Variants in IL1R1 observed in about 807,000 individuals in gnomAD.
The protein encoded by IL1R1 is interleukin-1 receptor type 1.
A neutral mutation model predicts 50.2 loss-of-function variants in IL1R1; 22 were observed. The ratio of observed to expected loss-of-function variants is 0.44; its 90% CI spans 0.31 to 0.63. The LOEUF (loss-of-function observed/expected upper bound fraction) is 0.63. IL1R1 is among the 20% of genes least tolerant of loss of function. IL1R1 has a pLI of 0.07. For synonymous variants in IL1R1, 251 were observed against 236.7 expected (o/e 1.06, Z -0.55); for missense variants, 509 against 676.2 (o/e 0.75, Z 2.74).
chr2:102,090,151 T>A (rs1242301367), intron 1 of IL1R1, among the ~76,000 whole-genome samples: 3 of 123,834 alleles, frequency 2.4e-5, no homozygotes, highest in East Asian at 2.1e-4. Flanking sequence ...TTTTTTTCAA[T>A]TTTTTTTTTT....
intron 3 of IL1R1, among the ~76,000 whole-genome samples, chr2:102,162,487 T>G (rs1324654974): frequency 6.6e-6 from 1 of 152,180 alleles, no homozygotes; most frequent in Non-Finnish European, 1.5e-5. Flanking sequence ...TTTTCTCTTT[T>G]TTTGCTGCCT....
chr2:102,161,407 CTGT>C (rs550771015), intron 3 of IL1R1, among the ~76,000 whole-genome samples: 295 of 152,282 alleles, frequency 1.9e-3, no homozygotes, highest in African/African-American at 6.4e-3. Context: ...TAATGTTCTA[CTGT>C]TGTTGGTTGG....
upstream of IL1R1, among the ~76,000 whole-genome samples, chr2:102,139,353 C>G (rs1222835448): frequency 6.6e-6 from 1 of 152,216 alleles, no homozygotes; most frequent in Admixed American, 6.5e-5. Flanking sequence ...TATCTGCTGC[C>G]AGGCCTGCTG....
intron 1 of IL1R1, among the ~76,000 whole-genome samples, chr2:102,111,309 T>C (rs1038945352): frequency 4.6e-5 from 7 of 152,194 alleles, no homozygotes; most frequent in African/African-American, 1.7e-4. Flanking sequence ...GTGTTGTATT[T>C]GCCACAAGAG....
chr2:102,139,516 G>A (rs1010706178), upstream of IL1R1, among the ~76,000 whole-genome samples: 3 of 152,214 alleles, frequency 2.0e-5, no homozygotes, highest in Non-Finnish European at 4.4e-5. Flanking sequence ...TTGGATATTT[G>A]TCCCTGCCCA....
At chr2:102,101,167 T>C (rs1307405510), upstream of IL1R1, among the ~76,000 whole-genome samples, 1 of 152,224 alleles carries the variant, frequency 6.6e-6, no homozygotes, top group Non-Finnish European at 1.5e-5. Flanking sequence ...CCTAATGTTC[T>C]GCATTTCCAT....
In IL1R1 at chr2:102,079,645, C is replaced by G. The variant is rs1679122420; in HGVS notation, c.-84+9112C>G. Among the ~76,000 whole-genome samples, 3 of 152,162 alleles carry G rather than the reference C, an allele frequency of 2.0e-5. No individual in the cohort carries two copies. In the South Asian group the frequency reaches 6.2e-4, roughly 32 times the overall value. On this transcript the variant is annotated intron_variant, in intron 1 of 11. Transcript: ENST00000409929. ...CATGTTCATGAATCAGAAGACTTAA[C>G]TTTTTTAAAGATGGCAGTACTCCCC...
intron 3 of IL1R1, among the ~76,000 whole-genome samples, chr2:102,160,079 T>C (rs1684580378): frequency 6.6e-6 from 1 of 152,192 alleles, no homozygotes; most frequent in Admixed American, 6.5e-5. Flanking sequence ...AAATTCAATT[T>C]CTTTGAATAG....
intron 1 of IL1R1, among the ~76,000 whole-genome samples, chr2:102,143,224 C>G (rs551088308): frequency 6.6e-6 from 1 of 152,304 alleles, no homozygotes; most frequent in South Asian, 2.1e-4. Context: ...TAACGTTGTT[C>G]AGGTCGTTTG....
At position 102,176,819 on chromosome 2, in the gene IL1R1, G is replaced by T; in HGVS notation, c.*60G>T. On this transcript the variant is annotated 3_prime_UTR_variant, in exon 12 of 12. Transcript: ENST00000410023. ...CCTGTCTTATGGCGTTGCAGGCCAG[G>T]TTATGCCTCATGCTGACTTGCAGAG... 6.7e-7 allele frequency: 1 copy of T among 1,489,568 alleles called. No individual in the cohort carries two copies. The highest frequency in any genetic ancestry group is 9.2e-7 in the Non-Finnish European group (1 of 1,081,342). 92.3% of individuals were successfully genotyped at this position (1,489,568 alleles called of 1,614,324 possible).
At chr2:102,143,943 G>A (rs1375798323) in intron 1 of IL1R1, among the ~76,000 whole-genome samples, 1 of 152,194 alleles carries the variant, frequency 6.6e-6, no homozygotes, top group Non-Finnish European at 1.5e-5. Flanking sequence ...GGGTCCATTC[G>A]TCACGGGAAT....
chr2:102,125,220 A>G (rs1681637522), intron 1 of IL1R1, among the ~76,000 whole-genome samples: 1 of 152,156 alleles, frequency 6.6e-6, no homozygotes, highest in Non-Finnish European at 1.5e-5. Context: ...TGCTAGGAAA[A>G]CCACAGGAGA....
At position 102,155,253 on chromosome 2, in the gene IL1R1, T is replaced by G. The variant is rs1013483294; in HGVS notation, c.-7+1236T>G. Among the ~76,000 whole-genome samples the G allele has an allele frequency of 3.3e-5, 5 of 152,388 alleles. No homozygotes were observed. The South Asian group carries it at 1.0e-3, about 32-fold the overall frequency. ...CAGGCACTGTTCTAAGCCCTTTGCA[T>G]GTGGCCATTCATTTCACCCACATAG... On this transcript the variant is annotated intron_variant, in intron 2 of 11. Coordinates refer to ENST00000410023, the MANE Select transcript of IL1R1 (RefSeq NM_000877.4).
At chr2:102,089,965 C>G (rs1479995124) in intron 1 of IL1R1, among the ~76,000 whole-genome samples, 1 of 151,386 alleles carries the variant, frequency 6.6e-6, no homozygotes. Context: ...TCCTGAGTAG[C>G]TGGGACTACA....
At chr2:102,110,229 C>A (rs12989632) in intron 1 of IL1R1, among the ~76,000 whole-genome samples, 42,442 of 151,936 alleles carry the variant, frequency 0.28, 6,804 homozygotes, top group African/African-American at 0.45. Context: ...GTATCAAAGG[C>A]GGTGCATTTT....
chr2:102,078,461 C>T (rs1258906831), intron 1 of IL1R1, among the ~76,000 whole-genome samples: 1 of 151,622 alleles, frequency 6.6e-6, no homozygotes, highest in Non-Finnish European at 1.5e-5. Flanking sequence ...TTGAAAGGCA[C>T]AAATTCCTAG....
intron 3 of IL1R1, among the ~76,000 whole-genome samples, chr2:102,158,749 G>T (rs1684432869): frequency 6.6e-6 from 1 of 152,174 alleles, no homozygotes; most frequent in East Asian, 1.9e-4. Flanking sequence ...GGGATGGGAA[G>T]ACTTCAGGGT....
At chr2:102,131,258 C>T (rs768485407) in intron 1 of IL1R1, among the ~76,000 whole-genome samples, 8 of 152,186 alleles carry the variant, frequency 5.3e-5, no homozygotes, top group Middle Eastern at 3.2e-3. Context: ...AAGAATCAAA[C>T]TATTCTCAAT....
chr2:102,153,173 G>A (rs149105374), intron 1 of IL1R1, among the ~76,000 whole-genome samples: 18 of 152,258 alleles, frequency 1.2e-4, no homozygotes, highest in African/African-American at 2.4e-4. Flanking sequence ...GAGGATACCT[G>A]CTTCTTAAAC....
Sources: gnomAD v4.1 joint callset for allele counts (sites outside exome capture counted in the v4.1 genomes callset) on GRCh38, gnomAD v4.1.1 for gene constraint, MANE v1.5 for transcripts, NCBI Gene and HGNC (gene_info 2026-07-23, HGNC 2026-07-21) for gene names.